Variants in NOP16 observed in about 807,000 individuals in gnomAD.
NOP16 encodes NOP16 nucleolar protein.
Under a neutral mutation model 22.7 loss-of-function variants are expected in NOP16, and 14 were observed. That is an observed-to-expected ratio of 0.62 (90% CI 0.41 to 0.97). NOP16 has a LOEUF of 0.97. Ranked by LOEUF, NOP16 falls within the 50% of genes least tolerant of loss-of-function variation. The pLI is 0.00. For synonymous variants in NOP16, 80 were observed against 83.6 expected, an observed-to-expected ratio of 0.96 and a Z score of 0.23; for missense variants, 198 against 235.9, an observed-to-expected ratio of 0.84 and a Z score of 1.05.
intron 3 of NOP16, chr5:176,386,543 T>A: frequency 2.2e-6 from 1 of 448,846 alleles, no homozygotes; most frequent in Non-Finnish European, 4.2e-6. Context: ...CTTAAATTCA[T>A]GAGAAGCCAT....
intron 2 of NOP16, among the ~76,000 whole-genome samples, chr5:176,387,668 T>A (rs1755991533): frequency 6.6e-6 from 1 of 152,208 alleles, no homozygotes; most frequent in African/African-American, 2.4e-5. Context: ...TAATAGTTGT[T>A]GAAGCCTCCA....
chr5:176,388,461 G>A lies in NOP16; in HGVS notation c.79C>T (p.Arg27Ter). ...VNRKRLNRNA[R>*]RKAAPRIECS... is the part of the protein sequence containing the mutation. ...TCGATCCGCGGCGCTGCCTTCCGTC[G>A]AGCATTCCGGTTCAGACGCTTTCGG... Residue 27 changes from arginine (R) to a stop codon, truncating the protein, a stop_gained, in exon 1 of 5, where the codon CGA becomes TGA. Coordinates refer to ENST00000614830, the MANE Select transcript of NOP16 (RefSeq NM_016391.8). LOFTEE classifies it high-confidence loss of function. 6.2e-7 allele frequency: 1 copy of A among 1,614,186 alleles called. No individual in the cohort carries two copies. Among genetic ancestry groups the A allele is most frequent in the Non-Finnish European group, 8.5e-7 (1 of 1,180,032 alleles).
In NOP16 at chr5:176,385,285, G is replaced by A; in HGVS notation, c.329C>T (p.Thr110Ile). ...ATAGTCAATGAGGTCCCGAGACAGA[G>A]TATTTCCTTTCTTTTCTGGAAGGCT... ...EASLPEKKGNTLSRDLIDYVR... is the reference protein window; with the variant it reads ...EASLPEKKGNILSRDLIDYVR... Residue 110 changes from threonine (T) to isoleucine (I), a missense_variant, in exon 4 of 5, where the codon ACT becomes ATT. Physicochemically the swap from Thr to Ile is moderately conservative, Grantham distance 89. Transcript: ENST00000614830. 6.2e-7 allele frequency: 1 copy of A among 1,613,200 alleles called. No individual in the cohort carries two copies. Among genetic ancestry groups the A allele is most frequent in the South Asian group, 1.1e-5 (1 of 91,068 alleles).
At chr5:176,385,152 G>A (rs768000556) in intron 4 of NOP16, 69 bp downstream of exon 4, 40 of 857,104 alleles carry the variant, frequency 4.7e-5, no homozygotes, top group Admixed American at 1.0e-4. Context: ...CAGGTGCTGC[G>A]CAAGCAGATC....
chr5:176,384,448 C>G, intron 4 of NOP16, 74 bp from the exon 5 acceptor site: 1 of 1,450,488 alleles, frequency 6.9e-7, no homozygotes, highest in South Asian at 1.3e-5. Context: ...CTGAATTAGG[C>G]AAGCCACTTG....
In NOP16 at chr5:176,388,241, C is replaced by T. The variant is rs1561784715; in HGVS notation, c.210G>A (p.Lys70=). The change falls in exon 2 of 5, where the codon AAG becomes AAA. Residue 70 remains lysine (K), a synonymous_variant. Transcript: ENST00000614830. ...GACCCTGCCATGTCAGTACCTTTCT[C>T]TTACGGAGGGGCACCGCCCTGTTGG... The part of the protein sequence containing the change: ...VDPNRAVPLR[K]RKVKAMEVDI... 6.2e-7 allele frequency: 1 copy of T among 1,610,968 alleles called. No homozygotes were observed. The highest frequency in any genetic ancestry group is 2.2e-5 in the East Asian group (1 of 44,812).
chr5:176,388,197 T>A (rs776608916), intron 2 of NOP16, 38 bp downstream of exon 2: 2 of 1,449,048 alleles, frequency 1.4e-6, no homozygotes, highest in African/African-American at 1.4e-5. Flanking sequence ...GGGGGAAGAG[T>A]AAAGAAGACA....
Position 176,388,558 on chromosome 5 carries a change from A to G in NOP16, c.-19T>C. The G allele has an allele frequency of 6.3e-7, 1 of 1,597,662 alleles. No homozygotes were observed. The highest frequency in any genetic ancestry group is 8.6e-7 in the Non-Finnish European group (1 of 1,166,624). The stretch of plus-strand genomic sequence containing the variant: ...TGGGCATCGCGCTGACCACCGCACC[A>G]GCAGCTCAAACACGCTGCCTCTGTC... On this transcript the variant is annotated 5_prime_UTR_variant, in exon 1 of 5. Coordinates refer to ENST00000614830, the MANE Select transcript of NOP16 (RefSeq NM_016391.8).
rs755477679 is a variant in NOP16, at chr5:176,386,862, T to A, written c.264A>T (p.Val88=). 1.9e-6 allele frequency: 3 copies of A among 1,614,132 alleles called. No homozygotes were observed. Among genetic ancestry groups the A allele is most frequent in the Non-Finnish European group, 2.5e-6 (3 of 1,179,986 alleles). The change falls in exon 3 of 5, where the codon GTA becomes GTT. Residue 88 remains valine, a synonymous_variant. Transcript: ENST00000614830. ...CACCATTCAGCACATAGGGCTTCCG[T>A]ACAAGCTCTTTAGGCCTCTCCTCTA... ...VDIEERPKEL[V]RKPYVLNDLE... is the part of the protein sequence containing the mutation.
chr5:176,388,569 C>CA lies in NOP16; in HGVS notation c.-31dup. 1 of 1,573,916 alleles carries CA rather than the reference C, an allele frequency of 6.4e-7. No homozygotes were observed. The highest frequency in any genetic ancestry group is 8.7e-7 in the Non-Finnish European group (1 of 1,146,654). On this transcript the variant is annotated 5_prime_UTR_variant, in exon 1 of 5. Coordinates refer to ENST00000614830, the MANE Select transcript of NOP16 (RefSeq NM_016391.8). ...CTGACCACCGCACCAGCAGCTCAAA[C>CA]ACGCTGCCTCTGTCTCTCAGACCTC...
At chr5:176,384,901 A>G (rs962108452) in intron 4 of NOP16, 1 of 533,768 alleles carries the variant, frequency 1.9e-6, no homozygotes, top group Non-Finnish European at 3.3e-6. Flanking sequence ...GGATCTTTCA[A>G]CTGTTAAAGG....
chr5:176,387,171 C>G lies in NOP16; in HGVS notation c.217-262G>C, dbSNP rs530900764. 3.3e-5 allele frequency among the ~76,000 whole-genome samples: 5 copies of G among 152,222 alleles called. No homozygotes were observed. The South Asian group carries it at 1.0e-3, about 32-fold the overall frequency. Reference sequence around the variant, plus strand: ...CAATCTTGGTTGACTGCAACCTCCCCCCGGGTTCAAGTGATCTCCTGCCTC... The same window carrying G: ...CAATCTTGGTTGACTGCAACCTCCCGCCGGGTTCAAGTGATCTCCTGCCTC... On this transcript the variant is annotated intron_variant, in intron 2 of 4. Transcript: ENST00000614830.
chr5:176,387,079 T>TC (rs368185001), intron 2 of NOP16, 170 bp from the exon 3 acceptor site: 37 of 303,266 alleles, frequency 1.2e-4, no homozygotes, highest in South Asian at 3.9e-4. Flanking sequence ...TCTCTCTCTC[T>TC]TTTTTTTTTT....
At position 176,387,367 on chromosome 5, in the gene NOP16, T is replaced by C. The variant is rs756529792; in HGVS notation, c.217-458A>G. On this transcript the variant is annotated intron_variant, in intron 2 of 4. Transcript: ENST00000614830. ...AACACAATCTTGGTGACAAGGACTTTGTGTTTTGTTCTCTATTAAATCCCC... is the reference window on the plus strand; with the variant it reads ...AACACAATCTTGGTGACAAGGACTTCGTGTTTTGTTCTCTATTAAATCCCC... 3.2e-4 allele frequency among the ~76,000 whole-genome samples: 48 copies of C among 152,232 alleles called. 1 individual carries two copies. Among genetic ancestry groups the C allele is most frequent in the Non-Finnish European group, 2.1e-4 (14 of 68,032 alleles).
Position 176,384,091 on chromosome 5 carries a change from CGT to C in NOP16, c.*138_*139del, listed in dbSNP as rs56989856. 14,463 of 1,602,278 alleles carry C rather than the reference CGT, an allele frequency of 9.0e-3. 441 individuals are homozygous for C. Among genetic ancestry groups the C allele is most frequent in the African/African-American group, 0.076 (5,692 of 74,810 alleles). Reference sequence around the variant, plus strand: ...CCTTCCCCAGAGCGGGGAGTGTGCACGTGTGTGTGTAACCTTCTGATTCCATG... The same window carrying C: ...CCTTCCCCAGAGCGGGGAGTGTGCACGTGTGTGTAACCTTCTGATTCCATG... On this transcript the variant is annotated 3_prime_UTR_variant, in exon 5 of 5. Coordinates refer to ENST00000614830, the MANE Select transcript of NOP16 (RefSeq NM_016391.8).
chr5:176,386,761 A>C lies in NOP16; in HGVS notation c.286+79T>G, dbSNP rs1002462273. ...TGAAACTTGGTTTCTCCATCTGCAA[A>C]ATGAGGACATCTTAGGGCCCTTCCC... On this transcript the variant is annotated intron_variant, in intron 3 of 4. Transcript: ENST00000614830. The C allele has an allele frequency of 3.1e-6, 4 of 1,277,740 alleles. No individual in the cohort carries two copies. The African/African-American group carries it at 4.4e-5, about 14-fold the overall frequency. The allele number at this position is 1,277,740 out of a possible 1,614,324, so 79.2% of individuals were successfully genotyped here. A position where few individuals can be genotyped will look rare whatever the true frequency, so the allele number is the denominator to read the frequency against.
intron 2 of NOP16, 151 bp from the exon 3 acceptor site, chr5:176,387,060 C>A (rs1248090187): frequency 3.4e-6 from 2 of 593,244 alleles, no homozygotes; most frequent in Non-Finnish European, 6.0e-6. Flanking sequence ...GCCCTGGAGG[C>A]TTTTTCTCTC....
Position 176,386,963 on chromosome 5 carries a change from T to C in NOP16, c.217-54A>G, listed in dbSNP as rs756396726. ...AAGGATCTTTGATGAGGGAAAGTTA[T>C]AGACTCCTGCTTATCCCAACACAAC... On this transcript the variant is annotated intron_variant, in intron 2 of 4. Coordinates refer to ENST00000614830, the MANE Select transcript of NOP16 (RefSeq NM_016391.8). 143 of 1,483,360 alleles carry C rather than the reference T, an allele frequency of 9.6e-5. No individual in the cohort carries two copies. The South Asian group carries it at 1.4e-3, about 15-fold the overall frequency. The allele number at this position is 1,483,360 out of a possible 1,614,324, so 91.9% of individuals were successfully genotyped here. A position where few individuals can be genotyped will look rare whatever the true frequency, so the allele number is the denominator to read the frequency against.
At chr5:176,385,547 G>C (rs924262159) in intron 3 of NOP16, among the ~76,000 whole-genome samples, 3 of 152,120 alleles carry the variant, frequency 2.0e-5, no homozygotes, top group Admixed American at 2.0e-4. Flanking sequence ...CTACCAGTAT[G>C]GCAACTTTTG....
Sources: gnomAD v4.1 joint callset for allele counts (sites outside exome capture counted in the v4.1 genomes callset) on GRCh38, gnomAD v4.1.1 for gene constraint, MANE v1.5 for transcripts, NCBI Gene and HGNC (gene_info 2026-07-23, HGNC 2026-07-21) for gene names.